FIP1L1: variants seen among roughly 807,000 people sequenced by gnomAD.
The protein encoded by FIP1L1 is factor interacting with PAPOLA and CPSF1.
In FIP1L1, 21 loss-of-function variants were observed where a neutral mutation model predicts 84.6. The observed-to-expected ratio is 0.25, with a 90% confidence interval of 0.18 to 0.36. The LOEUF (loss-of-function observed/expected upper bound fraction) is 0.36, where lower values mean the gene tolerates loss of function less well. FIP1L1 is among the 10% of genes least tolerant of loss of function. The pLI is 1.00. For synonymous variants in FIP1L1, 263 were observed against 242.3 expected, an observed-to-expected ratio of 1.09 and a Z score of -0.80; for missense variants, 526 against 751.1, an observed-to-expected ratio of 0.70 and a Z score of 3.50.
chr4:53,406,447 C>CAG (rs1369921351), intron 10 of FIP1L1, among the ~76,000 whole-genome samples: 1 of 152,174 alleles, frequency 6.6e-6, no homozygotes, highest in African/African-American at 2.4e-5. Context: ...CAATGTTCAT[C>CAG]AGGGATATTG....
intron 9 of FIP1L1, among the ~76,000 whole-genome samples, chr4:53,399,243 A>T (rs566812684): frequency 5.6e-4 from 85 of 152,334 alleles, no homozygotes; most frequent in Non-Finnish European, 8.5e-4. Flanking sequence ...GAGAAATTGT[A>T]TGGATGTACA....
rs533373078 is a variant in FIP1L1 at position 53,416,617 on chromosome 4, G to A, written c.923+1895G>A. Among the ~76,000 whole-genome samples the A allele has an allele frequency of 2.6e-5, 4 of 152,254 alleles. No individual in the cohort carries two copies. In the South Asian group the frequency reaches 6.2e-4, roughly 24 times the overall value. On this transcript the variant is annotated intron_variant, in intron 11 of 17. Transcript: ENST00000337488. ...CAGGACTAGAATACCTGCTTTTCTG[G>A]CTTGTAGTACCAATAGTTCAGGCAA...
rs569788943 is a variant in FIP1L1 at position 53,377,665 on chromosome 4, T to G, written c.-174T>G. On this transcript the variant is annotated 5_prime_UTR_variant, in exon 1 of 18. Coordinates refer to ENST00000337488, the MANE Select transcript of FIP1L1 (RefSeq NM_030917.4). Reference sequence around the variant, plus strand: ...TGCGCATGCGCAGACGGACCTGCGCTGGAGGCTTCATCTTTGCCGCCGCTG... The same window carrying G: ...TGCGCATGCGCAGACGGACCTGCGCGGGAGGCTTCATCTTTGCCGCCGCTG... 5 of 586,982 alleles carry G rather than the reference T, an allele frequency of 8.5e-6. No individual in the cohort carries two copies. Among genetic ancestry groups the G allele is most frequent in the South Asian group, 2.4e-5 (1 of 42,388 alleles). The allele number at this position is 586,982 out of a possible 1,614,324, so 36.4% of individuals were successfully genotyped here.
intron 9 of FIP1L1, among the ~76,000 whole-genome samples, chr4:53,392,581 G>A (rs1744843540): frequency 6.6e-6 from 1 of 152,208 alleles, no homozygotes; most frequent in Admixed American, 6.5e-5. Flanking sequence ...AAACTTGACT[G>A]CAATGGGTAG....
chr4:53,455,679 A>T (rs1718531740), intron 16 of FIP1L1, among the ~76,000 whole-genome samples: 1 of 152,098 alleles, frequency 6.6e-6, no homozygotes, highest in African/African-American at 2.4e-5. Flanking sequence ...TACTGAGTTT[A>T]TTTTGGTGCA....
At chr4:53,451,201 C>T (rs1044472563) in intron 15 of FIP1L1, among the ~76,000 whole-genome samples, 6 of 151,774 alleles carry the variant, frequency 4.0e-5, no homozygotes, top group Non-Finnish European at 8.8e-5. Flanking sequence ...GAACTCCTGA[C>T]CTCAGGCAAT....
chr4:53,413,745 T>C (rs185149984), intron 10 of FIP1L1, among the ~76,000 whole-genome samples: 3 of 152,242 alleles, frequency 2.0e-5, no homozygotes, highest in Admixed American at 2.0e-4. Context: ...ATAATTTGGT[T>C]TATTGTGTCT....
chr4:53,410,008 C>T (rs964310923), intron 10 of FIP1L1, among the ~76,000 whole-genome samples: 3 of 152,210 alleles, frequency 2.0e-5, no homozygotes, highest in African/African-American at 4.8e-5. Flanking sequence ...TGTCCTGCGC[C>T]CACTGTCTGG....
chr4:53,424,069 A>G (rs1226449329), intron 11 of FIP1L1, among the ~76,000 whole-genome samples: 1 of 152,168 alleles, frequency 6.6e-6, no homozygotes, highest in African/African-American at 2.4e-5. Flanking sequence ...CAAATTTGGT[A>G]GAATTTGTTC....
intron 13 of FIP1L1, among the ~76,000 whole-genome samples, chr4:53,441,234 T>TC (rs1237981535): frequency 6.6e-6 from 1 of 151,974 alleles, no homozygotes; most frequent in African/African-American, 2.4e-5. Flanking sequence ...AGCAAGTGTG[T>TC]CTTCCTGAGT....
At chr4:53,409,340 G>C (rs1755736005) in intron 10 of FIP1L1, among the ~76,000 whole-genome samples, 1 of 152,186 alleles carries the variant, frequency 6.6e-6, no homozygotes. Context: ...GCTGCTGTCT[G>C]ATCGTTCCTC....
chr4:53,406,061 G>A (rs1753240168), intron 10 of FIP1L1, among the ~76,000 whole-genome samples: 2 of 152,046 alleles, frequency 1.3e-5, no homozygotes, highest in African/African-American at 4.8e-5. Context: ...TAGGAGTGGT[G>A]AGAGAGGGCA....
At chr4:53,427,997 T>A (rs1467994399) in intron 12 of FIP1L1, 30 bp from the exon 13 acceptor site, 1 of 1,502,732 alleles carries the variant, frequency 6.7e-7, no homozygotes, top group Non-Finnish European at 9.2e-7. Context: ...TATTTATGCA[T>A]CTGTTTAATT....
chr4:53,426,539 T>C (rs1327629192), intron 12 of FIP1L1, among the ~76,000 whole-genome samples: 1 of 152,080 alleles, frequency 6.6e-6, no homozygotes, highest in Non-Finnish European at 1.5e-5. Flanking sequence ...GATTTTTGGA[T>C]TAGGAATACT....
chr4:53,418,494 T>C (rs1760810333), intron 11 of FIP1L1, among the ~76,000 whole-genome samples: 1 of 152,196 alleles, frequency 6.6e-6, no homozygotes. Context: ...GTAAGTTTGC[T>C]TTATAAAATC....
intron 10 of FIP1L1, among the ~76,000 whole-genome samples, chr4:53,410,762 ATTAC>A: frequency 6.6e-6 from 1 of 152,206 alleles, no homozygotes. Context: ...AAAAACCGCA[ATTAC>A]TTTTGCACTC....
At chr4:53,451,622 TAAC>T (rs1716011133) in intron 15 of FIP1L1, among the ~76,000 whole-genome samples, 1 of 151,682 alleles carries the variant, frequency 6.6e-6, no homozygotes, top group Non-Finnish European at 1.5e-5. Flanking sequence ...TATTCATACT[TAAC>T]AATGTGTAGT....
At chr4:53,452,172 G>A (rs1716444922) in intron 15 of FIP1L1, among the ~76,000 whole-genome samples, 1 of 152,036 alleles carries the variant, frequency 6.6e-6, no homozygotes, top group African/African-American at 2.4e-5. Flanking sequence ...ATGAGCCACT[G>A]CACCTGGCAT....
chr4:53,420,706 A>G (rs2149876740), intron 11 of FIP1L1, among the ~76,000 whole-genome samples: 1 of 152,110 alleles, frequency 6.6e-6, no homozygotes, highest in East Asian at 1.9e-4. Flanking sequence ...TGTGGAAGTA[A>G]AACGTACACA....
Sources: gnomAD v4.1 joint callset for allele counts (sites outside exome capture counted in the v4.1 genomes callset) on GRCh38, gnomAD v4.1.1 for gene constraint, MANE v1.5 for transcripts, NCBI Gene and HGNC (gene_info 2026-07-23, HGNC 2026-07-21) for gene names.